RMP64: variants seen among roughly 807,000 people sequenced by gnomAD.
RMP64 encodes nucleolus and neural progenitor protein.
chr3:113,018,149 C>A, the RMP64 span, among the ~76,000 whole-genome samples: 4,240 of 152,248 alleles, frequency 0.028, 193 homozygotes, highest in African/African-American at 0.095. Context: ...TTGATGAACA[C>A]CGGGTGCTCA....
At chr3:113,019,631 G>A in the RMP64 span, 37 of 1,613,328 alleles carry the variant, frequency 2.3e-5, no homozygotes, top group African/African-American at 4.0e-5. Flanking sequence ...CAGGCCCGGC[G>A]GCACCGCAGC....
At chr3:113,014,048 C>T in the RMP64 span, 19 of 1,566,244 alleles carry the variant, frequency 1.2e-5, no homozygotes, top group Middle Eastern at 1.7e-4. Flanking sequence ...AGAAGAAGAG[C>T]AGTTCAAATT....
chr3:113,017,476 C>A, the RMP64 span: 2 of 1,613,572 alleles, frequency 1.2e-6, no homozygotes, highest in South Asian at 1.1e-5. Flanking sequence ...GGGTTTGTGG[C>A]GGCCCATTCT....
the RMP64 span, chr3:113,003,897 G>GTATT: frequency 2.0e-5 from 3 of 152,174 alleles, no homozygotes; most frequent in African/African-American, 7.2e-5. Flanking sequence ...GCTAAATGAA[G>GTATT]TATTAAAAGA....
At chr3:113,010,668 T>C in the RMP64 span, 18 of 1,613,622 alleles carry the variant, frequency 1.1e-5, no homozygotes, top group African/African-American at 1.5e-4. Context: ...TTTCAGCTGG[T>C]TGCAGAAAGC....
At chr3:113,005,670 G>C in the RMP64 span, 1 of 1,613,802 alleles carries the variant, frequency 6.2e-7, no homozygotes, top group Non-Finnish European at 8.5e-7. Flanking sequence ...AGATTTTCAT[G>C]AATCATTTTC....
the RMP64 span, chr3:113,008,104 C>A: frequency 4.2e-6 from 6 of 1,442,924 alleles, no homozygotes; most frequent in South Asian, 6.0e-5. Context: ...AGAAAAGTGA[C>A]CTGAATACTT....
At chr3:113,011,163 T>A in the RMP64 span, 1 of 1,613,710 alleles carries the variant, frequency 6.2e-7, no homozygotes. Flanking sequence ...TGGCTCTTGG[T>A]GACTGCTCAT....
chr3:113,002,656 A>AGT, the RMP64 span: 66,712 of 151,034 alleles, frequency 0.44, 18,133 homozygotes, highest in Non-Finnish European at 0.62. Flanking sequence ...CAGGATTTAC[A>AGT]GTGTGTGTGT....
At chr3:113,010,846 A>G in the RMP64 span, 16 of 848,776 alleles carry the variant, frequency 1.9e-5, no homozygotes, top group East Asian at 3.4e-4. Context: ...GGAAGCAACT[A>G]CAGAAACAAA....
At chr3:113,008,122 T>C in the RMP64 span, 1 of 1,561,010 alleles carries the variant, frequency 6.4e-7, no homozygotes, top group Non-Finnish European at 8.8e-7. Context: ...CTTTTACTCA[T>C]AACAACAACA....
At chr3:113,013,363 T>G in the RMP64 span, 1 of 1,613,632 alleles carries the variant, frequency 6.2e-7, no homozygotes. Context: ...ACTGGCTGAC[T>G]GGGGACAACA....
chr3:113,005,161 G>A, the RMP64 span: 3 of 230,192 alleles, frequency 1.3e-5, no homozygotes, highest in Admixed American at 5.1e-5. Context: ...TCCCACCCCC[G>A]CTCCTCATTT....
At chr3:113,006,019 G>A in the RMP64 span, 2 of 1,570,220 alleles carry the variant, frequency 1.3e-6, no homozygotes, top group Admixed American at 1.8e-5. Context: ...AAAAGACAGA[G>A]AGAGGAAAAA....
At chr3:113,012,941 T>C in the RMP64 span, 3 of 648,666 alleles carry the variant, frequency 4.6e-6, no homozygotes, top group African/African-American at 1.8e-5. Flanking sequence ...TAAAACACAT[T>C]CTATTTAAGA....
At chr3:113,010,739 T>G in the RMP64 span, 1 of 1,528,784 alleles carries the variant, frequency 6.5e-7, no homozygotes, top group Non-Finnish European at 9.0e-7. Flanking sequence ...TACAAAACCT[T>G]AGGCATACTA....
At chr3:113,019,607 C>G in the RMP64 span, 2 of 1,613,736 alleles carry the variant, frequency 1.2e-6, no homozygotes, top group African/African-American at 1.3e-5. Context: ...GATTCTCACA[C>G]GGTTCCACGG....
At chr3:113,017,688 C>T in the RMP64 span, 1 of 1,257,934 alleles carries the variant, frequency 7.9e-7, no homozygotes, top group African/African-American at 1.5e-5. Context: ...AAGCATCTTT[C>T]CTTATTTGTT....
the RMP64 span, chr3:113,011,015 T>A: frequency 1.3e-6 from 2 of 1,540,554 alleles, no homozygotes; most frequent in Non-Finnish European, 1.7e-6. Context: ...TTTGTTTTAC[T>A]AGAGTATGTG....
Sources: gnomAD v4.1 joint callset for allele counts (sites outside exome capture counted in the v4.1 genomes callset) on GRCh38, gnomAD v4.1.1 for gene constraint, MANE v1.5 for transcripts, NCBI Gene and HGNC (gene_info 2026-07-23, HGNC 2026-07-21) for gene names.